The following YES1 variants were observed in gnomAD, a reference collection of about 807,000 sequenced individuals.
YES1 encodes the protein tyrosine-protein kinase Yes.
YES1 carries 39 observed loss-of-function variants against 70.4 expected under a neutral mutation model. That is an observed-to-expected ratio of 0.55 (90% CI 0.43 to 0.72). The LOEUF (loss-of-function observed/expected upper bound fraction) is 0.72, where lower values mean the gene tolerates loss of function less well. YES1 is among the 30% of genes least tolerant of loss of function. The pLI, the probability that YES1 is intolerant of heterozygous loss-of-function variation, is 0.00. For missense variants in YES1, 495 were observed against 644.8 expected (o/e 0.77, Z 2.52); for synonymous variants, 198 against 218.6 (o/e 0.91, Z 0.83).
intron 2 of YES1, among the ~76,000 whole-genome samples, chr18:752,708 C>T (rs772342447): frequency 6.6e-6 from 1 of 152,080 alleles, no homozygotes. Context: ...TTTGGGAGGC[C>T]GAGGTGGGCA....
rs751552293 is a variant in YES1 at position 736,904 on chromosome 18, C to A, written c.1195G>T (p.Ala399Ser). 8 of 1,612,362 alleles carry A rather than the reference C, an allele frequency of 5.0e-6. No individual in the cohort carries two copies. The Admixed American group carries it at 6.7e-5, about 13-fold the overall frequency. ...TTTTCTCCTACAAGAATATTAGCAGCCCGAAGATCTCGGTGAATATAGTTC... is the reference window on the plus strand; with the variant it reads ...TTTTCTCCTACAAGAATATTAGCAGACCGAAGATCTCGGTGAATATAGTTC... ...RMNYIHRDLR[A>S]ANILVGENLV... The change falls in exon 10 of 12, where the codon GCT (alanine) becomes TCT (serine). Residue 399 changes from alanine to serine, a missense_variant. Around this residue, in one of 2 missense-constraint regions of YES1, gnomAD observed 385 missense variants for 540.9 expected, o/e 0.71. Coordinates refer to ENST00000314574, the MANE Select transcript of YES1 (RefSeq NM_005433.4).
intron 2 of YES1, 139 bp from the exon 3 acceptor site, chr18:751,943 G>A (rs1429162278): frequency 3.1e-6 from 2 of 638,300 alleles, no homozygotes; most frequent in African/African-American, 3.7e-5. Context: ...TTAGAAGTTG[G>A]AACTACTGAA....
intron 2 of YES1, 107 bp downstream of exon 2, chr18:756,450 A>G: frequency 2.2e-6 from 3 of 1,389,354 alleles, no homozygotes; most frequent in African/African-American, 2.9e-5. Flanking sequence ...AATTATTTGA[A>G]AAGTCCTCAA....
chr18:754,883 A>G (rs1413330228), intron 2 of YES1, among the ~76,000 whole-genome samples: 1 of 152,172 alleles, frequency 6.6e-6, no homozygotes, highest in Admixed American at 6.6e-5. Context: ...CCAACCCTCT[A>G]TAATGTAAGC....
chr18:785,620 T>C (rs1320425656), intron 1 of YES1, among the ~76,000 whole-genome samples: 1 of 152,076 alleles, frequency 6.6e-6, no homozygotes, highest in African/African-American at 2.4e-5. Flanking sequence ...TAATCCACAA[T>C]GCAACAGTGT....
intron 11 of YES1, among the ~76,000 whole-genome samples, chr18:727,701 A>G (rs1054990387): frequency 5.9e-5 from 9 of 152,274 alleles, no homozygotes; most frequent in Admixed American, 3.3e-4. Flanking sequence ...AGAACGGTTT[A>G]CCTCTTATTC....
intron 1 of YES1, among the ~76,000 whole-genome samples, chr18:792,239 G>C (rs1315022998): frequency 1.3e-5 from 2 of 152,160 alleles, no homozygotes; most frequent in African/African-American, 4.8e-5. Flanking sequence ...AGGAGGCAGA[G>C]GGTGCAGTGA....
intron 1 of YES1, among the ~76,000 whole-genome samples, chr18:760,803 G>A (rs1452875720): frequency 1.3e-5 from 2 of 152,166 alleles, no homozygotes; most frequent in East Asian, 1.9e-4. Flanking sequence ...CATTGAGAGG[G>A]GCAGGGGTGG....
intron 4 of YES1, among the ~76,000 whole-genome samples, chr18:746,607 G>C (rs1286513722): frequency 6.6e-6 from 1 of 152,146 alleles, no homozygotes; most frequent in African/African-American, 2.4e-5. Flanking sequence ...GTAGAACAAA[G>C]AGTTATTGAG....
At chr18:764,534 T>C (rs1413688137) in intron 1 of YES1, among the ~76,000 whole-genome samples, 1 of 151,998 alleles carries the variant, frequency 6.6e-6, no homozygotes, top group Non-Finnish European at 1.5e-5. Context: ...AGTTTCTAGT[T>C]TTAACCAAGT....
At chr18:790,986 A>C (rs1906214974) in intron 1 of YES1, among the ~76,000 whole-genome samples, 2 of 152,242 alleles carry the variant, frequency 1.3e-5, no homozygotes, top group African/African-American at 4.8e-5. Flanking sequence ...GCAGTGGCTC[A>C]AGCCTATAAT....
rs117853570 is a variant in YES1, at chr18:798,855, G to A, written c.-9+13259C>T. On this transcript the variant is annotated intron_variant, in intron 1 of 11. Coordinates refer to ENST00000314574, the MANE Select transcript of YES1 (RefSeq NM_005433.4). ...TGCACACATCTTAAAATCCAGAACT[G>A]TCTTTCCTGCTACTTTTAATATAAA... Among the ~76,000 whole-genome samples, 59 of 152,214 alleles carry A rather than the reference G, an allele frequency of 3.9e-4. No individual in the cohort carries two copies. The East Asian group carries it at 5.6e-3, about 14-fold the overall frequency.
chr18:759,453 A>G (rs537105118), intron 1 of YES1, among the ~76,000 whole-genome samples: 8 of 152,150 alleles, frequency 5.3e-5, no homozygotes, highest in Non-Finnish European at 2.9e-5. Flanking sequence ...GGCGACAAGA[A>G]CGAAACTCCG....
chr18:729,274 G>GC lies in YES1; in HGVS notation c.1423+3559dup, dbSNP rs1414540383. On this transcript the variant is annotated intron_variant, in intron 11 of 11. Coordinates refer to ENST00000314574, the MANE Select transcript of YES1 (RefSeq NM_005433.4). Reference sequence around the variant, plus strand: ...TCTAAAATTTCCATTTGAGGGCCAGGCGGGGTGGCTCACGCCTGTAATCTC... The same window carrying GC: ...TCTAAAATTTCCATTTGAGGGCCAGGCCGGGGTGGCTCACGCCTGTAATCTC... Among the ~76,000 whole-genome samples the GC allele has an allele frequency of 2.6e-5, 4 of 152,132 alleles. No homozygotes were observed. The East Asian group carries it at 7.8e-4, about 29-fold the overall frequency.
intron 11 of YES1, among the ~76,000 whole-genome samples, 157 bp downstream of exon 11, chr18:732,677 A>G (rs900821589): frequency 6.6e-6 from 1 of 152,022 alleles, no homozygotes; most frequent in African/African-American, 2.4e-5. Context: ...ACAGTTACCC[A>G]TCCAATGCCA....
intron 2 of YES1, 76 bp from the exon 3 acceptor site, chr18:751,880 C>CAAA (rs34440107): frequency 3.5e-5 from 24 of 689,058 alleles, no homozygotes; most frequent in Non-Finnish European, 4.5e-5. Flanking sequence ...TATTGCCAGC[C>CAAA]AAAAAAAAAA....
At chr18:781,812 A>C (rs1285133660) in intron 1 of YES1, among the ~76,000 whole-genome samples, 1 of 152,138 alleles carries the variant, frequency 6.6e-6, no homozygotes, top group East Asian at 1.9e-4. Flanking sequence ...TGTAAGAATT[A>C]ACTGATATCA....
chr18:801,145 CA>C (rs1906799599), intron 1 of YES1, among the ~76,000 whole-genome samples: 1 of 151,550 alleles, frequency 6.6e-6, no homozygotes, highest in Admixed American at 6.6e-5. Context: ...GACTCCATCT[CA>C]AAAAAATATA....
rs2079953355 is a variant in YES1, at chr18:721,674, G to A, written c.*2750C>T. On this transcript the variant is annotated 3_prime_UTR_variant, in exon 12 of 12. Coordinates refer to ENST00000314574, the MANE Select transcript of YES1 (RefSeq NM_005433.4). The stretch of plus-strand genomic sequence containing the variant: ...GTAACTGAACATTTTTTTCTCAATG[G>A]AAGAATAAATTCAGAATATATCAGT... 1 of 151,936 alleles carries A rather than the reference G, an allele frequency of 6.6e-6. No homozygotes were observed. The highest frequency in any genetic ancestry group is 2.1e-4 in the South Asian group (1 of 4,826). 9.4% of individuals were successfully genotyped at this position (151,936 alleles called of 1,614,324 possible).
Sources: gnomAD v4.1 joint callset for allele counts (sites outside exome capture counted in the v4.1 genomes callset) on GRCh38, gnomAD v4.1.1 for gene constraint, gnomAD v4.1.1 regional missense constraint, MANE v1.5 for transcripts, NCBI Gene and HGNC (gene_info 2026-07-23, HGNC 2026-07-21) for gene names.